The following USP47 variants were observed in gnomAD, a reference collection of about 807,000 sequenced individuals.
The protein encoded by USP47 is ubiquitin specific peptidase 47.
Under a neutral mutation model 165.1 loss-of-function variants are expected in USP47, and 35 were observed. The ratio of observed to expected loss-of-function variants is 0.21; its 90% CI spans 0.16 to 0.28. USP47 has a LOEUF of 0.28. USP47 is among the 10% of genes least tolerant of loss of function. The pLI, the probability that USP47 is intolerant of heterozygous loss-of-function variation, is 1.00. For missense variants in USP47, 1,277 were observed against 1,607.4 expected (o/e 0.79, Z 3.52); for synonymous variants, 531 against 544.5 (o/e 0.98, Z 0.35).
chr11:11,913,276 AAC>A (rs1853149841), intron 8 of USP47, among the ~76,000 whole-genome samples: 4 of 149,310 alleles, frequency 2.7e-5, no homozygotes, highest in African/African-American at 7.6e-5. Context: ...AAAAAAAAAA[AAC>A]AACACCTGAA....
At chr11:11,930,017 A>G (rs1230394726) in intron 12 of USP47, 27 bp from the exon 13 acceptor site, 1 of 1,586,708 alleles carries the variant, frequency 6.3e-7, no homozygotes. Context: ...TAGAATTTGC[A>G]AAAAAAATCA....
rs1035384070 is a variant in USP47 at position 11,920,222 on chromosome 11, C to T, written c.1036C>T (p.Arg346Cys). ...TGGCCCAAATCAGTATTTTTGTGAA[C>T]GTTGTAAGAAGAAGTGTGATGCACG... ...LDGPNQYFCE[R>C]CKKKCDARKG... Residue 346 changes from arginine (R) to cysteine (C), a missense_variant, in exon 9 of 28, where the codon CGT (arginine) becomes TGT (cysteine). Transcript: ENST00000527733. The T allele has an allele frequency of 8.7e-6, 14 of 1,608,786 alleles. No homozygotes were observed. The highest frequency in any genetic ancestry group is 4.4e-5 in the South Asian group (4 of 90,426).
chr11:11,921,777 C>A (rs1311004553), intron 10 of USP47, among the ~76,000 whole-genome samples: 1 of 151,774 alleles, frequency 6.6e-6, no homozygotes, highest in African/African-American at 2.4e-5. Flanking sequence ...CTAGAGAATT[C>A]TAGGTTTAGT....
At chr11:11,846,062 C>T (rs908025576) in intron 1 of USP47, among the ~76,000 whole-genome samples, 5 of 151,956 alleles carry the variant, frequency 3.3e-5, no homozygotes, top group African/African-American at 4.8e-5. Flanking sequence ...TTTAGTATTC[C>T]TCCTAAATTG....
intron 11 of USP47, 108 bp from the exon 12 acceptor site, chr11:11,929,326 G>T: frequency 6.9e-7 from 1 of 1,455,120 alleles, no homozygotes; most frequent in Non-Finnish European, 9.2e-7. Flanking sequence ...GTAATATATA[G>T]GACAACTTAC....
intron 11 of USP47, among the ~76,000 whole-genome samples, chr11:11,927,832 A>G (rs1854366357): frequency 1.3e-5 from 2 of 152,134 alleles, no homozygotes; most frequent in South Asian, 4.1e-4. Flanking sequence ...ATCATGCTAC[A>G]TTTGGATGAA....
At chr11:11,853,593 C>T (rs1848848507) in intron 1 of USP47, among the ~76,000 whole-genome samples, 1 of 152,188 alleles carries the variant, frequency 6.6e-6, no homozygotes, top group Admixed American at 6.5e-5. Context: ...TGCGTCCTCT[C>T]TACCTTACTG....
chr11:11,890,083 C>T (rs968414773), intron 3 of USP47, among the ~76,000 whole-genome samples: 1 of 151,956 alleles, frequency 6.6e-6, no homozygotes, highest in Admixed American at 6.6e-5. Context: ...ATGTAAAACC[C>T]GAAACTATAC....
intron 10 of USP47, among the ~76,000 whole-genome samples, chr11:11,921,561 A>T (rs1416058174): frequency 6.6e-6 from 1 of 151,920 alleles, no homozygotes; most frequent in African/African-American, 2.4e-5. Context: ...GTTTAATTTA[A>T]AATAATGTCT....
intron 5 of USP47, among the ~76,000 whole-genome samples, chr11:11,897,971 C>T (rs931674226): frequency 5.3e-5 from 8 of 152,050 alleles, no homozygotes; most frequent in Non-Finnish European, 1.2e-4. Flanking sequence ...AGCCTTAACA[C>T]CCTTTATGAA....
At chr11:11,909,724 A>T (rs1006991235) in intron 8 of USP47, among the ~76,000 whole-genome samples, 5 of 152,220 alleles carry the variant, frequency 3.3e-5, no homozygotes, top group Non-Finnish European at 5.9e-5. Flanking sequence ...TCAAAGTTTG[A>T]TCAGGGTTTA....
chr11:11,854,110 G>A (rs1848887742), intron 1 of USP47, among the ~76,000 whole-genome samples: 1 of 141,444 alleles, frequency 7.1e-6, no homozygotes, highest in Non-Finnish European at 1.6e-5. Flanking sequence ...ACTCCAGCTA[G>A]GGGGACAGGG....
intron 1 of USP47, among the ~76,000 whole-genome samples, chr11:11,847,606 C>T (rs982050424): frequency 9.9e-5 from 15 of 152,110 alleles, no homozygotes; most frequent in African/African-American, 3.1e-4. Context: ...GTTTTTGACT[C>T]CTCTCTTTTC....
intron 1 of USP47, among the ~76,000 whole-genome samples, chr11:11,864,590 T>C (rs1354240730): frequency 6.6e-6 from 1 of 152,066 alleles, no homozygotes; most frequent in Non-Finnish European, 1.5e-5. Context: ...TCGGTGAATT[T>C]GACTAGTGTA....
At chr11:11,852,847 T>G (rs553426922) in intron 1 of USP47, among the ~76,000 whole-genome samples, 3 of 152,218 alleles carry the variant, frequency 2.0e-5, no homozygotes, top group African/African-American at 7.2e-5. Flanking sequence ...CAAACCACAT[T>G]CCACTACATT....
chr11:11,929,925 GA>G, intron 12 of USP47, 118 bp from the exon 13 acceptor site: 6 of 805,754 alleles, frequency 7.4e-6, no homozygotes, highest in Non-Finnish European at 1.2e-5. Context: ...GTAGCTGTGT[GA>G]GCAATCATGA....
chr11:11,933,305 T>C (rs970517373), intron 15 of USP47, among the ~76,000 whole-genome samples, 189 bp downstream of exon 15: 1 of 152,126 alleles, frequency 6.6e-6, no homozygotes, highest in Non-Finnish European at 1.5e-5. Flanking sequence ...CAGTAACATG[T>C]AGTGACGGTG....
chr11:11,926,134 G>T (rs1360724223), intron 11 of USP47, among the ~76,000 whole-genome samples: 1 of 152,118 alleles, frequency 6.6e-6, no homozygotes, highest in Non-Finnish European at 1.5e-5. Context: ...TCATCAAAGA[G>T]ATATTGTTCT....
chr11:11,931,993 G>A (rs1213830988), intron 14 of USP47, among the ~76,000 whole-genome samples: 1 of 152,094 alleles, frequency 6.6e-6, no homozygotes, highest in Non-Finnish European at 1.5e-5. Context: ...TTGCTATAAA[G>A]AAATACCCAA....
Sources: allele counts gnomAD v4.1 joint callset (sites outside exome capture counted in the v4.1 genomes callset), GRCh38; gene constraint gnomAD v4.1.1; transcripts MANE v1.5; gene names NCBI Gene and HGNC (gene_info 2026-07-23, HGNC 2026-07-21).